The following SHISA6 variants were observed in gnomAD, a reference collection of about 807,000 sequenced individuals.
SHISA6 encodes the protein shisa family member 6.
Under a neutral mutation model 47.9 loss-of-function variants are expected in SHISA6, and 22 were observed. The observed-to-expected ratio is 0.46, with a 90% CI of 0.33 to 0.66. The LOEUF (loss-of-function observed/expected upper bound fraction) is 0.66, where lower values mean the gene tolerates loss of function less well. Among genes scored for constraint, SHISA6 ranks in the 30% least tolerant of loss-of-function variants. SHISA6 has a pLI of 0.02. For missense variants in SHISA6, 680 were observed against 764.6 expected, an observed-to-expected ratio of 0.89 and a Z score of 1.30; for synonymous variants, 388 against 337.8, an observed-to-expected ratio of 1.15 and a Z score of -1.63.
At chr17:11,262,476 C>T (rs1908266617) in intron 1 of SHISA6, among the ~76,000 whole-genome samples, 1 of 152,198 alleles carries the variant, frequency 6.6e-6, no homozygotes, top group Non-Finnish European at 1.5e-5. Flanking sequence ...TCACATGTCA[C>T]ACCCACAGAG....
intron 3 of SHISA6, among the ~76,000 whole-genome samples, chr17:11,473,840 A>G (rs1346548828): frequency 1.3e-5 from 2 of 152,054 alleles, no homozygotes; most frequent in African/African-American, 4.8e-5. Flanking sequence ...TGCTGCAACT[A>G]TCAACCCATC....
chr17:11,474,467 T>C (rs1916007709), intron 3 of SHISA6, among the ~76,000 whole-genome samples: 1 of 152,066 alleles, frequency 6.6e-6, no homozygotes, highest in Non-Finnish European at 1.5e-5. Context: ...TAGTAGACTT[T>C]TGTCAGATGG....
At chr17:11,543,333 CA>C (rs1336120464) in intron 3 of SHISA6, among the ~76,000 whole-genome samples, 1 of 152,056 alleles carries the variant, frequency 6.6e-6, no homozygotes, top group African/African-American at 2.4e-5. Context: ...ACTGTTGGAA[CA>C]AAGTTTCTAC....
At chr17:11,325,551 A>T (rs1910851754) in intron 2 of SHISA6, among the ~76,000 whole-genome samples, 1 of 152,214 alleles carries the variant, frequency 6.6e-6, no homozygotes, top group African/African-American at 2.4e-5. Context: ...TAGGATGCCT[A>T]TTCCAAAACA....
intron 3 of SHISA6, among the ~76,000 whole-genome samples, chr17:11,413,016 G>A (rs1914175685): frequency 6.6e-6 from 1 of 152,134 alleles, no homozygotes; most frequent in Non-Finnish European, 1.5e-5. Context: ...GGATTACTGG[G>A]GGAAAGGCAT....
chr17:11,242,807 A>G (rs1907421961), intron 1 of SHISA6, among the ~76,000 whole-genome samples: 1 of 152,188 alleles, frequency 6.6e-6, no homozygotes, highest in Non-Finnish European at 1.5e-5. Flanking sequence ...ACTTACGCCA[A>G]GAGCTCAAAC....
chr17:11,330,611 C>G (rs951917748), intron 2 of SHISA6, among the ~76,000 whole-genome samples: 1 of 151,998 alleles, frequency 6.6e-6, no homozygotes, highest in African/African-American at 2.4e-5. Flanking sequence ...AAGATGCAGA[C>G]AAATCACCTT....
chr17:11,455,102 G>A (rs1284201304), intron 3 of SHISA6, among the ~76,000 whole-genome samples: 1 of 152,112 alleles, frequency 6.6e-6, no homozygotes, highest in African/African-American at 2.4e-5. Context: ...CCAGGAGGTG[G>A]AGCTTGCAGT....
At chr17:11,391,849 C>T (rs1597490129) in intron 3 of SHISA6, among the ~76,000 whole-genome samples, 1 of 152,148 alleles carries the variant, frequency 6.6e-6, no homozygotes, top group African/African-American at 2.4e-5. Flanking sequence ...GGGAGCTTTT[C>T]CCCCAGAGGA....
chr17:11,502,648 A>G (rs1299755649), intron 3 of SHISA6, among the ~76,000 whole-genome samples: 1 of 151,660 alleles, frequency 6.6e-6, no homozygotes, highest in East Asian at 1.9e-4. Context: ...AATCGCTTGA[A>G]CCCAGGAGGC....
At chr17:11,311,559 T>A (rs1910342637) in intron 2 of SHISA6, among the ~76,000 whole-genome samples, 1 of 152,182 alleles carries the variant, frequency 6.6e-6, no homozygotes, top group South Asian at 2.1e-4. Context: ...TCCTTGAAGC[T>A]TCAAAACCTC....
chr17:11,296,910 C>T lies in SHISA6; in HGVS notation c.799+33384C>T, dbSNP rs113858438. 9.5e-4 allele frequency among the ~76,000 whole-genome samples: 145 copies of T among 152,156 alleles called. 1 individual carries two copies. Among genetic ancestry groups the T allele is most frequent in the African/African-American group, 3.3e-3 (136 of 41,490 alleles). On this transcript the variant is annotated intron_variant, in intron 2 of 5. Coordinates refer to ENST00000441885, the MANE Select transcript of SHISA6 (RefSeq NM_207386.4). ...GGAAATAACTTACCATGTGTAAAGC[C>T]ATGGAGGGGCTAAATGATTAGAGAA...
At chr17:11,322,549 A>G (rs1910749029) in intron 2 of SHISA6, among the ~76,000 whole-genome samples, 1 of 152,230 alleles carries the variant, frequency 6.6e-6, no homozygotes, top group African/African-American at 2.4e-5. Flanking sequence ...TATGAGATTT[A>G]CAGAAAAGTT....
intron 1 of SHISA6, among the ~76,000 whole-genome samples, chr17:11,251,512 G>A (rs570153607): frequency 4.7e-4 from 72 of 152,274 alleles, no homozygotes; most frequent in Non-Finnish European, 9.7e-4. Context: ...TGGGTGAGGG[G>A]CACAGGAGAG....
At chr17:11,270,578 AAG>A (rs1908601723) in intron 2 of SHISA6, among the ~76,000 whole-genome samples, 1 of 152,224 alleles carries the variant, frequency 6.6e-6, no homozygotes, top group Non-Finnish European at 1.5e-5. Flanking sequence ...TGCAGGCCAT[AAG>A]ATCTCTGTGG....
chr17:11,308,173 C>T (rs1379017956), intron 2 of SHISA6, among the ~76,000 whole-genome samples: 1 of 152,186 alleles, frequency 6.6e-6, no homozygotes, highest in Non-Finnish European at 1.5e-5. Flanking sequence ...GAGAAACCTG[C>T]AGTCCAGAGG....
chr17:11,317,153 A>G (rs1255799275), intron 2 of SHISA6, among the ~76,000 whole-genome samples: 2 of 151,854 alleles, frequency 1.3e-5, no homozygotes, highest in African/African-American at 4.8e-5. Context: ...TATATATCTT[A>G]TTTACTATTT....
intron 3 of SHISA6, among the ~76,000 whole-genome samples, chr17:11,544,596 C>T (rs9891248): frequency 6.6e-6 from 1 of 152,138 alleles, no homozygotes; most frequent in African/African-American, 2.4e-5. Flanking sequence ...AACTGGATCA[C>T]TCATTCATTT....
intron 2 of SHISA6, among the ~76,000 whole-genome samples, chr17:11,324,294 C>T (rs1910804170): frequency 6.6e-6 from 1 of 152,304 alleles, no homozygotes; most frequent in African/African-American, 2.4e-5. Context: ...CTTCCTTTCC[C>T]CCGTAACACA....
Sources: allele counts gnomAD v4.1 joint callset (sites outside exome capture counted in the v4.1 genomes callset), GRCh38; gene constraint gnomAD v4.1.1; transcripts MANE v1.5; gene names NCBI Gene and HGNC (gene_info 2026-07-23, HGNC 2026-07-21).